Variants in CXCL11 observed in about 807,000 individuals in gnomAD.
CXCL11 encodes C-X-C motif chemokine ligand 11.
In CXCL11, 7 loss-of-function variants were observed where a neutral mutation model predicts 9.7. The observed-to-expected ratio is 0.72, with a 90% CI of 0.41 to 1.36. The LOEUF (loss-of-function observed/expected upper bound fraction) is 1.36. CXCL11 is among the 40% of genes most tolerant of loss of function. The pLI is 0.01. For synonymous variants in CXCL11, 35 were observed against 34.4 expected (o/e 1.02, Z -0.06); for missense variants, 107 against 113.4 (o/e 0.94, Z 0.26).
At chr4:76,035,877 A>C in intron 1 of CXCL11, 50 bp downstream of exon 1, 2 of 1,501,040 alleles carry the variant, frequency 1.3e-6, no homozygotes, top group East Asian at 4.5e-5. Context: ...AAGACATTTG[A>C]AACATTAGAA....
chr4:76,034,950 AG>A, intron 3 of CXCL11, 96 bp downstream of exon 3: 1 of 1,379,158 alleles, frequency 7.3e-7, no homozygotes, highest in Non-Finnish European at 1.0e-6. Context: ...ACAGGATCAT[AG>A]CAGAATCTTT....
In CXCL11 at chr4:76,036,014, G is replaced by A; in HGVS notation, c.-27C>T. The A allele has an allele frequency of 8.7e-6, 14 of 1,605,170 alleles. No individual in the cohort carries two copies. Among genetic ancestry groups the A allele is most frequent in the Non-Finnish European group, 1.2e-5 (14 of 1,173,482 alleles). On this transcript the variant is annotated 5_prime_UTR_variant, in exon 1 of 4. Transcript: ENST00000306621. Reference sequence around the variant, plus strand: ...TTTGTTTTTTGCTGTTGCTGCTGGTGCTGCTGCTGCTACTTCAGCTTTGCT... The same window carrying A: ...TTTGTTTTTTGCTGTTGCTGCTGGTACTGCTGCTGCTACTTCAGCTTTGCT...
In CXCL11 at chr4:76,034,084, T is replaced by C. The variant is rs1191236344; in HGVS notation, c.*709A>G. 5.4e-6 allele frequency: 1 copy of C among 183,920 alleles called. No individual in the cohort carries two copies. The highest frequency in any genetic ancestry group is 1.1e-5 in the Non-Finnish European group (1 of 89,754). 11.4% of individuals were successfully genotyped at this position (183,920 alleles called of 1,614,324 possible). A position where few individuals can be genotyped will look rare whatever the true frequency, so the allele number is the denominator to read the frequency against. On this transcript the variant is annotated 3_prime_UTR_variant, in exon 4 of 4. Coordinates refer to ENST00000306621, the MANE Select transcript of CXCL11 (RefSeq NM_005409.5). Reference sequence around the variant, plus strand: ...TATGAAATATGTGCACTTTTGCCAGTATCCCATAGCGTATAATTTTTTTCA... The same window carrying C: ...TATGAAATATGTGCACTTTTGCCAGCATCCCATAGCGTATAATTTTTTTCA...
intron 3 of CXCL11, 63 bp downstream of exon 3, chr4:76,034,984 C>G: frequency 6.7e-7 from 1 of 1,500,226 alleles, no homozygotes; most frequent in South Asian, 1.1e-5. Flanking sequence ...ACATTATTTT[C>G]TTTTTCAAAA....
At position 76,035,321 on chromosome 4, in the gene CXCL11, CCT is replaced by C; in HGVS notation, c.81_82del (p.Gly28ThrfsTer18). 1.2e-6 allele frequency: 2 copies of C among 1,613,986 alleles called. No homozygotes were observed. The highest frequency in any genetic ancestry group is 1.7e-6 in the Non-Finnish European group (2 of 1,179,906). On this transcript the variant is annotated frameshift_variant, in exon 2 of 4. Transcript: ENST00000306621. LOFTEE classifies it high-confidence loss of function. ...CCCAGGGCCTATGCAAAGACAGCGTCCTCTTTTGAACATGGGGAAGCCTAGAA... is the reference window on the plus strand; with the variant it reads ...CCCAGGGCCTATGCAAAGACAGCGTCCTTTTGAACATGGGGAAGCCTAGAA...
chr4:76,035,306 A>G lies in CXCL11; in HGVS notation c.98T>C (p.Ile33Thr), dbSNP rs765371990. The G allele has an allele frequency of 5.0e-6, 8 of 1,614,036 alleles. No homozygotes were observed. The highest frequency in any genetic ancestry group is 2.2e-5 in the East Asian group (1 of 44,876). The part of the protein sequence containing the change: ...PMFKRGRCLC[I>T]GPGVKAVKVA... ...TTTCACTGCTTTTACCCCAGGGCCT[A>G]TGCAAAGACAGCGTCCTCTTTTGAA... Residue 33 changes from isoleucine (I) to threonine (T), a missense_variant, in exon 2 of 4, where the codon ATA becomes ACA. Coordinates refer to ENST00000306621, the MANE Select transcript of CXCL11 (RefSeq NM_005409.5).
Position 76,035,133 on chromosome 4 carries a change from A to T in CXCL11, c.189-14T>A. 3 of 1,553,584 alleles carry T rather than the reference A, an allele frequency of 1.9e-6. No individual in the cohort carries two copies. Among genetic ancestry groups the T allele is most frequent in the Non-Finnish European group, 2.6e-6 (3 of 1,160,158 alleles). ...TTCAGGGTAATACTGTTAAAAGAAC[A>T]TACAAGAGTCTTAAAGTTTAGATGC... On this transcript the variant is annotated splice_polypyrimidine_tract_variant and intron_variant, in intron 2 of 3. Coordinates refer to ENST00000306621, the MANE Select transcript of CXCL11 (RefSeq NM_005409.5).
At chr4:76,035,374 C>T (rs773438892) in intron 1 of CXCL11, 32 bp from the exon 2 acceptor site, 15 of 1,607,390 alleles carry the variant, frequency 9.3e-6, no homozygotes, top group Admixed American at 3.4e-5. Context: ...GTTAGTAATG[C>T]ATCTGATTGC....
chr4:76,035,470 TAACAC>T (rs1320222250), intron 1 of CXCL11, 128 bp from the exon 2 acceptor site: 1 of 877,686 alleles, frequency 1.1e-6, no homozygotes, highest in Non-Finnish European at 1.7e-6. Flanking sequence ...AAATAGCACT[TAACAC>T]AACTGTTACT....
In CXCL11 at chr4:76,035,320, T is replaced by A. The variant is rs758044155; in HGVS notation, c.84A>T (p.Gly28=). 1.9e-6 allele frequency: 3 copies of A among 1,614,028 alleles called. No homozygotes were observed. The change falls in exon 2 of 4, where the codon GGA becomes GGT. Residue 28 remains glycine, a synonymous_variant. Coordinates refer to ENST00000306621, the MANE Select transcript of CXCL11 (RefSeq NM_005409.5). ...VVQGFPMFKR[G]RCLCIGPGVK... ...CCCCAGGGCCTATGCAAAGACAGCG[T>A]CCTCTTTTGAACATGGGGAAGCCTA...
rs1734162090 is a variant in CXCL11, at chr4:76,034,467, A to G, written c.*326T>C. 1.9e-6 allele frequency: 1 copy of G among 514,482 alleles called. No individual in the cohort carries two copies. The highest frequency in any genetic ancestry group is 3.9e-5 in the Admixed American group (1 of 25,670). The allele number at this position is 514,482 out of a possible 1,614,324, so 31.9% of individuals were successfully genotyped here. On this transcript the variant is annotated 3_prime_UTR_variant, in exon 4 of 4. Transcript: ENST00000306621. ...TAGAAATGCATGAATGTATAATGCAACAAGTAAGAACGTGAAAGCACTTTG... is the reference window on the plus strand; with the variant it reads ...TAGAAATGCATGAATGTATAATGCAGCAAGTAAGAACGTGAAAGCACTTTG...
At chr4:76,035,506 T>G (rs1326415880) in intron 1 of CXCL11, among the ~76,000 whole-genome samples, 164 bp from the exon 2 acceptor site, 1 of 152,230 alleles carries the variant, frequency 6.6e-6, no homozygotes, top group Non-Finnish European at 1.5e-5. Context: ...AAGTAAGATG[T>G]TGATTATTTT....
Position 76,034,366 on chromosome 4 carries a change from G to A in CXCL11, c.*427C>T, listed in dbSNP as rs13130018. The A allele has an allele frequency of 0.59, 248,230 of 422,546 alleles. 76,379 individuals carry two copies. The highest frequency in any genetic ancestry group is 0.93 in the East Asian group (26,208 of 28,206). The allele number at this position is 422,546 out of a possible 1,614,324, so 26.2% of individuals were successfully genotyped here. On this transcript the variant is annotated 3_prime_UTR_variant, in exon 4 of 4. Transcript: ENST00000306621. ...AGCATAAAGATCAATACAGACAGAT[G>A]ACTTCTAGAGACAGAAATGTTCTCA...
rs1028666045 is a variant in CXCL11, at chr4:76,035,942, C to T, written c.46G>A (p.Ala16Thr). Residue 16 changes from alanine to threonine, a missense_variant, in exon 1 of 4, where the codon GCT (alanine) becomes ACT (threonine). Transcript: ENST00000306621. ...TACTGCATACCTTGAACAACTGTAG[C>T]ACACAATATCACAGCCAAGGCTATA... ...MAIALAVILC[A>T]TVVQGFPMFK... 2.5e-6 allele frequency: 4 copies of T among 1,613,520 alleles called. No individual in the cohort carries two copies. Among genetic ancestry groups the T allele is most frequent in the Non-Finnish European group, 3.4e-6 (4 of 1,179,744 alleles).
At position 76,035,171 on chromosome 4, in the gene CXCL11, A is replaced by C. The variant is rs754595883; in HGVS notation, c.188+45T>G. 19 of 1,613,148 alleles carry C rather than the reference A, an allele frequency of 1.2e-5. No homozygotes were observed. In the South Asian group the frequency reaches 1.8e-4, roughly 15 times the overall value. On this transcript the variant is annotated intron_variant, in intron 2 of 3. Transcript: ENST00000306621. Reference sequence around the variant, plus strand: ...AAAGTTTAGATGCAAATACATAAACAAAAAAGCCTGCACCATTGTCATCTT... The same window carrying C: ...AAAGTTTAGATGCAAATACATAAACCAAAAAGCCTGCACCATTGTCATCTT...
chr4:76,034,985 T>A, intron 3 of CXCL11, 62 bp downstream of exon 3: 1 of 1,505,412 alleles, frequency 6.6e-7, no homozygotes, highest in East Asian at 2.3e-5. Flanking sequence ...CATTATTTTC[T>A]TTTTCAAAAG....
chr4:76,034,685 A>G lies in CXCL11; in HGVS notation c.*108T>C. The G allele has an allele frequency of 1.1e-6, 1 of 883,802 alleles. No individual in the cohort carries two copies. Among genetic ancestry groups the G allele is most frequent in the Non-Finnish European group, 1.8e-6 (1 of 562,862 alleles). The allele number at this position is 883,802 out of a possible 1,614,324, so 54.7% of individuals were successfully genotyped here. The stretch of plus-strand genomic sequence containing the variant: ...AGTTGAAAGTCACAAAACCATAGAA[A>G]AGTCTCAGTTTCCTACTGTAGAATT... On this transcript the variant is annotated 3_prime_UTR_variant, in exon 4 of 4. Transcript: ENST00000306621.
Position 76,035,215 on chromosome 4 carries a change from C to T in CXCL11, c.188+1G>A. On this transcript the variant is annotated splice_donor_variant, in intron 2 of 3. Coordinates refer to ENST00000306621, the MANE Select transcript of CXCL11 (RefSeq NM_005409.5). LOFTEE classifies it high-confidence loss of function. ...TCATCTTCAGCAAGTTCATTACTTA[C>T]ATCACTTCTATTTTGTCACAGTTGT... The T allele has an allele frequency of 1.9e-6, 3 of 1,614,092 alleles. No individual in the cohort carries two copies. The highest frequency in any genetic ancestry group is 1.1e-5 in the South Asian group (1 of 91,074).
At position 76,034,618 on chromosome 4, in the gene CXCL11, G is replaced by T; in HGVS notation, c.*175C>A. ...TCAGGAAGACTGTATTTCTGTTTTTGGTCCTTTCACCCACCTTTCATCCTT... is the reference window on the plus strand; with the variant it reads ...TCAGGAAGACTGTATTTCTGTTTTTTGTCCTTTCACCCACCTTTCATCCTT... On this transcript the variant is annotated 3_prime_UTR_variant, in exon 4 of 4. Transcript: ENST00000306621. 1 of 627,116 alleles carries T rather than the reference G, an allele frequency of 1.6e-6. No individual in the cohort carries two copies. The highest frequency in any genetic ancestry group is 2.8e-6 in the Non-Finnish European group (1 of 359,368). The allele number at this position is 627,116 out of a possible 1,614,324, so 38.8% of individuals were successfully genotyped here. A position where few individuals can be genotyped will look rare whatever the true frequency, so the allele number is the denominator to read the frequency against.
Sources: gnomAD v4.1 joint callset for allele counts (sites outside exome capture counted in the v4.1 genomes callset) on GRCh38, gnomAD v4.1.1 for gene constraint, MANE v1.5 for transcripts, NCBI Gene and HGNC (gene_info 2026-07-23, HGNC 2026-07-21) for gene names.